Variants in KCTD14 observed in about 807,000 individuals in gnomAD.
KCTD14 encodes BTB/POZ domain-containing protein KCTD14.
In KCTD14, 7 loss-of-function variants were observed where a neutral mutation model predicts 5.9. That is an observed-to-expected ratio of 1.19 (90% CI 0.68 to 2.23). The LOEUF (loss-of-function observed/expected upper bound fraction) is 2.23, where lower values mean the gene tolerates loss of function less well. Among genes scored for constraint, KCTD14 ranks in the 30% most tolerant of loss-of-function variants. The pLI, the probability that KCTD14 is intolerant of heterozygous loss-of-function variation, is 0.00. For missense variants in KCTD14, 342 were observed against 332.2 expected (o/e 1.03, Z -0.23); for synonymous variants, 140 against 133.1 (o/e 1.05, Z -0.36).
rs1303295097 is a variant in KCTD14 at position 78,019,050 on chromosome 11, G to T, written c.91-1780C>A. Among the ~76,000 whole-genome samples the T allele has an allele frequency of 2.1e-5, 3 of 145,460 alleles. No individual in the cohort carries two copies. In the Admixed American group the frequency reaches 2.1e-4, roughly 10 times the overall value. On this transcript the variant is annotated intron_variant, in intron 1 of 1. Transcript: ENST00000353172. ...TCTTTTTTTTTTTTTTTGAGACAGAGTCTCGCTCAGTCGCCCAGGCTAGAG... is the reference window on the plus strand; with the variant it reads ...TCTTTTTTTTTTTTTTTGAGACAGATTCTCGCTCAGTCGCCCAGGCTAGAG...
chr11:78,018,294 A>G (rs537357633), intron 1 of KCTD14, among the ~76,000 whole-genome samples: 79 of 152,176 alleles, frequency 5.2e-4, no homozygotes, highest in African/African-American at 1.6e-3. Context: ...TAATCCCAAC[A>G]CTTTGGGAGG....
At chr11:78,026,325 T>C (rs1376487582), upstream of KCTD14, among the ~76,000 whole-genome samples, 1 of 151,914 alleles carries the variant, frequency 6.6e-6, no homozygotes, top group Non-Finnish European at 1.5e-5. Flanking sequence ...TATCCCCGGC[T>C]AGGGCTACTA....
At chr11:78,032,236 G>A (rs1462055851) in intron 2 of KCTD14, among the ~76,000 whole-genome samples, 1 of 152,172 alleles carries the variant, frequency 6.6e-6, no homozygotes, top group Non-Finnish European at 1.5e-5. Flanking sequence ...TTTCTGGAGG[G>A]AGCAGGCAGC....
At chr11:78,026,699 G>A (rs759914719), upstream of KCTD14, among the ~76,000 whole-genome samples, 59 of 152,206 alleles carry the variant, frequency 3.9e-4, no homozygotes, top group Admixed American at 2.0e-4. Context: ...AGCCTAGGAG[G>A]TCAGGGCTGT....
intron 2 of KCTD14, among the ~76,000 whole-genome samples, chr11:78,035,615 G>A (rs1183359553): frequency 3.3e-5 from 5 of 149,724 alleles, no homozygotes; most frequent in Admixed American, 6.7e-5. Flanking sequence ...AGGCCGAGGC[G>A]GGTGGATCAC....
chr11:78,038,608 C>T (rs1162230799), intron 2 of KCTD14: 2 of 1,528,988 alleles, frequency 1.3e-6, no homozygotes, highest in Non-Finnish European at 1.8e-6. Flanking sequence ...AACAGCTTCT[C>T]CACCATCTCA....
intron 2 of KCTD14, among the ~76,000 whole-genome samples, chr11:78,031,586 C>A (rs993726252): frequency 2.6e-5 from 4 of 151,744 alleles, no homozygotes; most frequent in African/African-American, 9.7e-5. Context: ...TGGGGTTTCA[C>A]CATGTTGGCC....
intron 1 of KCTD14, among the ~76,000 whole-genome samples, chr11:78,044,600 A>C (rs1858082708): frequency 6.6e-6 from 1 of 152,174 alleles, no homozygotes; most frequent in Admixed American, 6.5e-5. Context: ...AGACGGAGTT[A>C]TTTCTCAAAT....
intron 1 of KCTD14, among the ~76,000 whole-genome samples, chr11:78,021,445 G>T (rs941808772): frequency 7.9e-5 from 12 of 151,630 alleles, no homozygotes; most frequent in Non-Finnish European, 1.8e-4. Flanking sequence ...TTGAGACAAG[G>T]TCTCACTCTG....
At chr11:78,019,290 A>G (rs577843738) in intron 1 of KCTD14, among the ~76,000 whole-genome samples, 15 of 152,250 alleles carry the variant, frequency 9.9e-5, no homozygotes, top group African/African-American at 3.4e-4. Context: ...TTGGGATTAC[A>G]GGCGTGAGCC....
chr11:78,021,222 C>T (rs553735424), intron 1 of KCTD14, among the ~76,000 whole-genome samples: 1 of 140,346 alleles, frequency 7.1e-6, no homozygotes, highest in Middle Eastern at 4.3e-3. Context: ...TGCTTGAACC[C>T]GGAAGGCAGA....
At chr11:78,028,657 G>A (rs990492440) in intron 2 of KCTD14, among the ~76,000 whole-genome samples, 5 of 151,322 alleles carry the variant, frequency 3.3e-5, no homozygotes, top group Admixed American at 1.3e-4. Context: ...ATTGTTATGT[G>A]GAGCCAGGCA....
At chr11:78,038,724 TC>T (rs1857895375) in exon 2 of KCTD14, 9 of 1,535,502 alleles carry the variant, frequency 5.9e-6, no homozygotes, top group Non-Finnish European at 7.0e-6. Context: ...CAGAGAGGGA[TC>T]CTGGGGACAA....
chr11:78,038,846 G>C lies in KCTD14; in HGVS notation c.-95-88C>G, dbSNP rs1229807278. 3.4e-6 allele frequency: 5 copies of C among 1,452,496 alleles called. No individual in the cohort carries two copies. The African/African-American group carries it at 4.2e-5, about 12-fold the overall frequency. The allele number at this position is 1,452,496 out of a possible 1,614,324, so 90.0% of individuals were successfully genotyped here. A position where few individuals can be genotyped will look rare whatever the true frequency, so the allele number is the denominator to read the frequency against. On this transcript the variant is annotated intron_variant, in intron 1 of 2. Coordinates refer to the KCTD14 transcript ENST00000533144. ...TTCAGAGGGCCCAGGCCAGGAGCCT[G>C]ACTGGAGCCACACTGCAGAACTGGA...
chr11:78,026,967 CAT>C (rs2136724584), upstream of KCTD14, among the ~76,000 whole-genome samples: 1 of 152,016 alleles, frequency 6.6e-6, no homozygotes, highest in Admixed American at 6.6e-5. Flanking sequence ...GGCGTGGTGG[CAT>C]GCGCCTGTAG....
chr11:78,023,965 CT>C (rs1372830795), upstream of KCTD14, among the ~76,000 whole-genome samples: 3 of 147,332 alleles, frequency 2.0e-5, no homozygotes, highest in African/African-American at 5.4e-5. Context: ...ATCAACAAAA[CT>C]TTTTTAAGAG....
intron 1 of KCTD14, among the ~76,000 whole-genome samples, chr11:78,045,628 A>C (rs966475734): frequency 1.3e-5 from 2 of 152,226 alleles, no homozygotes; most frequent in African/African-American, 4.8e-5. Flanking sequence ...AGGAGTGACC[A>C]AAGGCAGTTT....
chr11:78,030,494 A>T (rs1857585817), intron 2 of KCTD14, among the ~76,000 whole-genome samples: 1 of 152,154 alleles, frequency 6.6e-6, no homozygotes, highest in Non-Finnish European at 1.5e-5. Flanking sequence ...GGTCTCTGTG[A>T]TCCTGCCTTG....
At chr11:78,042,387 A>G (rs1379532373) in intron 1 of KCTD14, among the ~76,000 whole-genome samples, 1 of 152,206 alleles carries the variant, frequency 6.6e-6, no homozygotes, top group African/African-American at 2.4e-5. Flanking sequence ...GCATGTCTAT[A>G]GTCCCAGCTA....
Sources: allele counts gnomAD v4.1 joint callset (sites outside exome capture counted in the v4.1 genomes callset), GRCh38; gene constraint gnomAD v4.1.1; transcripts MANE v1.5; gene names NCBI Gene and HGNC (gene_info 2026-07-23, HGNC 2026-07-21).